The following MINDY4 variants were observed in gnomAD, a reference collection of about 807,000 sequenced individuals.
The protein encoded by MINDY4 is probable ubiquitin carboxyl-terminal hydrolase MINDY-4.
A neutral mutation model predicts 87.0 loss-of-function variants in MINDY4; 68 were observed. The observed-to-expected ratio is 0.78, with a 90% CI of 0.64 to 0.96. MINDY4 has a LOEUF of 0.96. Ranked by LOEUF, MINDY4 falls within the 40% of genes least tolerant of loss-of-function variation. The pLI is 0.00. For missense variants in MINDY4, 919 were observed against 928.2 expected (o/e 0.99, Z 0.13); for synonymous variants, 379 against 363.2 (o/e 1.04, Z -0.50).
At chr7:30,858,857 T>C in intron 12 of MINDY4, 2 of 391,420 alleles carry the variant, frequency 5.1e-6, no homozygotes, top group Admixed American at 5.9e-5. Context: ...TCACTCAGTT[T>C]CTGAGCCTCA....
chr7:30,789,700 G>T (rs1340133325), intron 4 of MINDY4, among the ~76,000 whole-genome samples: 1 of 152,086 alleles, frequency 6.6e-6, no homozygotes, highest in Admixed American at 6.5e-5. Flanking sequence ...CAAAATTAAG[G>T]TTTCCTTATT....
chr7:30,864,148 G>A (rs1437551376), intron 13 of MINDY4, among the ~76,000 whole-genome samples: 1 of 152,260 alleles, frequency 6.6e-6, no homozygotes, highest in Non-Finnish European at 1.5e-5. Context: ...AGTCTTGAAA[G>A]TCCGGAAGAG....
Position 30,836,703 on chromosome 7 carries a change from C to G in MINDY4, c.1178C>G (p.Pro393Arg). 6.2e-7 allele frequency: 1 copy of G among 1,614,144 alleles called. No individual in the cohort carries two copies. ...ATAAGGGAAGAGGTCATCCTGTCGC[C>G]AGTCCCATCAGTGCTCAAGTTGCAG... ...ELIREEVILS[P>R]VPSVLKLQTA... Residue 393 changes from proline to arginine, a missense_variant, in exon 7 of 18, where the codon CCA (proline) becomes CGA (arginine). Physicochemically the swap from Pro to Arg is moderately radical, Grantham distance 103. Coordinates refer to ENST00000265299, the MANE Select transcript of MINDY4 (RefSeq NM_032222.3).
intron 14 of MINDY4, among the ~76,000 whole-genome samples, chr7:30,872,890 C>T (rs765418860): frequency 1.3e-5 from 2 of 151,518 alleles, no homozygotes; most frequent in Non-Finnish European, 2.9e-5. Context: ...GGGAGCTCAG[C>T]TCTACACCTG....
intron 9 of MINDY4, among the ~76,000 whole-genome samples, chr7:30,844,075 T>G (rs1177594068): frequency 6.6e-6 from 1 of 152,066 alleles, no homozygotes; most frequent in African/African-American, 2.4e-5. Context: ...CAACTCTGGG[T>G]GCTGCTTGTA....
intron 13 of MINDY4, among the ~76,000 whole-genome samples, chr7:30,871,167 G>T (rs1009877537): frequency 2.0e-5 from 3 of 152,224 alleles, no homozygotes; most frequent in Non-Finnish European, 4.4e-5. Context: ...GAAGTGGGGG[G>T]GACAGACCTG....
chr7:30,838,620 G>A (rs1788933434), intron 7 of MINDY4, among the ~76,000 whole-genome samples: 1 of 152,134 alleles, frequency 6.6e-6, no homozygotes, highest in Non-Finnish European at 1.5e-5. Flanking sequence ...TTACAAACAG[G>A]TGGTGGGGGC....
chr7:30,832,089 C>T (rs920522387), intron 6 of MINDY4, among the ~76,000 whole-genome samples: 2 of 152,178 alleles, frequency 1.3e-5, no homozygotes, highest in Non-Finnish European at 2.9e-5. Context: ...CAATTCCTCC[C>T]TGTAGAAGCC....
chr7:30,773,159 G>GGTTTT (rs1786696947), intron 1 of MINDY4, among the ~76,000 whole-genome samples: 1 of 152,148 alleles, frequency 6.6e-6, no homozygotes, highest in Admixed American at 6.5e-5. Context: ...TCTGCTCTAG[G>GGTTTT]GCAGAGACCA....
chr7:30,797,562 T>C (rs1787526452), intron 5 of MINDY4, among the ~76,000 whole-genome samples: 1 of 152,062 alleles, frequency 6.6e-6, no homozygotes, highest in South Asian at 2.1e-4. Flanking sequence ...CTGGACTACA[T>C]GAGGGAGAGA....
rs75260903 is a variant in MINDY4, at chr7:30,826,519, C to T, written c.1074-2160C>T. On this transcript the variant is annotated intron_variant, in intron 5 of 17. Coordinates refer to ENST00000265299, the MANE Select transcript of MINDY4 (RefSeq NM_032222.3). ...AAAGATATAGAGACATGAGCTGAGA[C>T]GTTCAGCTTGGAGGAAATGCAGGCA... is the stretch of plus-strand genomic sequence containing the variant. Among the ~76,000 whole-genome samples the T allele has an allele frequency of 2.6e-3, 391 of 152,298 alleles. 3 individuals carry two copies. The highest frequency in any genetic ancestry group is 8.4e-3 in the African/African-American group (350 of 41,558).
chr7:30,836,499 G>A (rs777328008), intron 6 of MINDY4, among the ~76,000 whole-genome samples, 159 bp from the exon 7 acceptor site: 9 of 152,214 alleles, frequency 5.9e-5, no homozygotes, highest in Non-Finnish European at 1.0e-4. Flanking sequence ...AAGGGTCTGG[G>A]AACTTCAGAA....
intron 15 of MINDY4, among the ~76,000 whole-genome samples, chr7:30,878,512 C>T (rs542455647): frequency 6.6e-6 from 1 of 152,270 alleles, no homozygotes; most frequent in East Asian, 1.9e-4. Context: ...CCAGCTGGCT[C>T]CCTCAGTCCC....
At position 30,877,822 on chromosome 7, in the gene MINDY4, C is replaced by CTTT. The variant is rs60164229; in HGVS notation, c.1971+2200_1971+2202dup. On this transcript the variant is annotated intron_variant, in intron 15 of 17. Coordinates refer to ENST00000265299, the MANE Select transcript of MINDY4 (RefSeq NM_032222.3). Reference sequence around the variant, plus strand: ...GAGTAGCTGGGATTACAGGGACATGCTTTTTTTTTTTTTTTTTTTTTTTTT... The same window carrying CTTT: ...GAGTAGCTGGGATTACAGGGACATGCTTTTTTTTTTTTTTTTTTTTTTTTTTTT... 2.8e-3 allele frequency among the ~76,000 whole-genome samples: 134 copies of CTTT among 47,540 alleles called. 42 individuals carry two copies. The highest frequency in any genetic ancestry group is 4.3e-3 in the Non-Finnish European group (98 of 22,534). 31.2% of individuals were successfully genotyped at this position (47,540 alleles called of 152,430 possible).
chr7:30,855,314 G>A (rs1457489007), intron 12 of MINDY4, among the ~76,000 whole-genome samples: 1 of 152,242 alleles, frequency 6.6e-6, no homozygotes, highest in Non-Finnish European at 1.5e-5. Context: ...TCCAAATGCA[G>A]TACTAGGCAG....
At chr7:30,840,247 A>G (rs543808047) in intron 8 of MINDY4, among the ~76,000 whole-genome samples, 1 of 152,342 alleles carries the variant, frequency 6.6e-6, no homozygotes, top group East Asian at 1.9e-4. Flanking sequence ...GAGAAAGGAC[A>G]AAGATACACC....
intron 4 of MINDY4, among the ~76,000 whole-genome samples, chr7:30,790,230 T>C (rs76900793): frequency 1.3e-5 from 2 of 150,482 alleles, no homozygotes; most frequent in African/African-American, 4.9e-5. Flanking sequence ...GAATTTATAA[T>C]TTTTTTTTTA....
chr7:30,841,576 T>A (rs1280692242), intron 9 of MINDY4, among the ~76,000 whole-genome samples: 1 of 152,206 alleles, frequency 6.6e-6, no homozygotes, highest in East Asian at 1.9e-4. Context: ...GCAGGCCCGG[T>A]TACCAGCTTG....
At chr7:30,850,923 G>A (rs953226698) in intron 10 of MINDY4, among the ~76,000 whole-genome samples, 1 of 152,144 alleles carries the variant, frequency 6.6e-6, no homozygotes, top group Admixed American at 6.5e-5. Context: ...CCCTCAGGTT[G>A]AGTCAGTCCT....
Sources: allele counts gnomAD v4.1 joint callset (sites outside exome capture counted in the v4.1 genomes callset), GRCh38; gene constraint gnomAD v4.1.1; transcripts MANE v1.5; gene names NCBI Gene and HGNC (gene_info 2026-07-23, HGNC 2026-07-21).